Variants in KLHL1 observed in about 807,000 individuals in gnomAD.
KLHL1 encodes kelch like family member 1.
Under a neutral mutation model 77.7 loss-of-function variants are expected in KLHL1, and 47 were observed. That is an observed-to-expected ratio of 0.60 (90% confidence interval 0.48 to 0.77). The LOEUF (loss-of-function observed/expected upper bound fraction) is 0.77, where lower values mean the gene tolerates loss of function less well. KLHL1 is among the 30% of genes least tolerant of loss of function. KLHL1 has a pLI of 0.00. For synonymous variants in KLHL1, 360 were observed against 325.2 expected (o/e 1.11, Z -1.15); for missense variants, 925 against 910.8 (o/e 1.02, Z -0.20).
chr13:69,850,190 G>A (rs1334033567), intron 5 of KLHL1, among the ~76,000 whole-genome samples: 1 of 151,338 alleles, frequency 6.6e-6, no homozygotes, highest in Non-Finnish European at 1.5e-5. Flanking sequence ...ATTTAAATCT[G>A]AACTTATTTT....
intron 4 of KLHL1, among the ~76,000 whole-genome samples, chr13:69,915,030 G>T (rs1372408448): frequency 3.9e-5 from 6 of 151,990 alleles, no homozygotes; most frequent in Admixed American, 3.9e-4. Context: ...CAAGAAGCAG[G>T]GACTTATGGT....
intron 6 of KLHL1, among the ~76,000 whole-genome samples, chr13:69,824,782 G>A (rs1878479225): frequency 6.6e-6 from 1 of 152,088 alleles, no homozygotes; most frequent in South Asian, 2.1e-4. Context: ...GAATATGAGT[G>A]TGCTTTCTGG....
At chr13:69,815,362 A>G (rs992345308) in intron 6 of KLHL1, among the ~76,000 whole-genome samples, 2 of 152,238 alleles carry the variant, frequency 1.3e-5, no homozygotes, top group African/African-American at 4.8e-5. Context: ...ACCATGGACT[A>G]CTATGCAGCC....
chr13:69,911,106 T>C (rs767205193), intron 4 of KLHL1, among the ~76,000 whole-genome samples: 23 of 152,134 alleles, frequency 1.5e-4, no homozygotes, highest in Non-Finnish European at 2.8e-4. Flanking sequence ...GTAATCAGTC[T>C]GTCTTTCTCT....
chr13:69,975,804 T>A lies in KLHL1; in HGVS notation c.498-2A>T. On this transcript the variant is annotated splice_acceptor_variant, in intron 1 of 10. Transcript: ENST00000377844. LOFTEE classifies it high-confidence loss of function. ...ATTGAATGGCCGGTTGATGACAGCC[T>A]ATAAACCACACACACACACACACAC... 6.2e-7 allele frequency: 1 copy of A among 1,602,614 alleles called. No homozygotes were observed. The highest frequency in any genetic ancestry group is 8.5e-7 in the Non-Finnish European group (1 of 1,175,554).
intron 5 of KLHL1, among the ~76,000 whole-genome samples, chr13:69,845,568 G>A (rs963169146): frequency 6.6e-6 from 1 of 151,530 alleles, no homozygotes; most frequent in South Asian, 2.1e-4. Context: ...AGTTGAAATT[G>A]CAAGTATCTA....
In KLHL1 at chr13:69,955,360, A is replaced by G. The variant is rs1225506373; in HGVS notation, c.817+5948T>C. 2.0e-5 allele frequency among the ~76,000 whole-genome samples: 3 copies of G among 151,354 alleles called. No homozygotes were observed. The East Asian group carries it at 5.8e-4, about 29-fold the overall frequency. Reference sequence around the variant, plus strand: ...CTTAGCAGGTACAAAGACTTTAATTAACTTCAGTGGCACACAAACTTTTTC... The same window carrying G: ...CTTAGCAGGTACAAAGACTTTAATTGACTTCAGTGGCACACAAACTTTTTC... On this transcript the variant is annotated intron_variant, in intron 3 of 10. Transcript: ENST00000377844.
intron 4 of KLHL1, among the ~76,000 whole-genome samples, chr13:69,931,152 A>G (rs1882993407): frequency 6.6e-6 from 1 of 151,692 alleles, no homozygotes. Context: ...ATCTATATAT[A>G]TTTGGAAACC....
At chr13:69,727,406 T>G (rs1458467723) in intron 8 of KLHL1, among the ~76,000 whole-genome samples, 3 of 151,958 alleles carry the variant, frequency 2.0e-5, no homozygotes. Context: ...TAGTGGACAG[T>G]CACAAGTTAA....
At chr13:70,052,093 A>G (rs1008093721) in intron 1 of KLHL1, among the ~76,000 whole-genome samples, 1 of 151,958 alleles carries the variant, frequency 6.6e-6, no homozygotes, top group Non-Finnish European at 1.5e-5. Context: ...GCAATAGGCC[A>G]TTGAAGTTCA....
intron 1 of KLHL1, among the ~76,000 whole-genome samples, chr13:69,986,372 T>C (rs573135036): frequency 1.3e-5 from 2 of 152,164 alleles, no homozygotes; most frequent in South Asian, 4.1e-4. Flanking sequence ...CTTGAAGTGA[T>C]GGATATGTTA....
intron 5 of KLHL1, among the ~76,000 whole-genome samples, chr13:69,858,289 G>A (rs1880002047): frequency 6.6e-6 from 1 of 152,086 alleles, no homozygotes; most frequent in Non-Finnish European, 1.5e-5. Flanking sequence ...GGTTGGGTGA[G>A]ACTCCTTGAG....
intron 5 of KLHL1, among the ~76,000 whole-genome samples, chr13:69,858,042 A>T (rs1468201489): frequency 6.6e-6 from 1 of 152,116 alleles, no homozygotes; most frequent in Non-Finnish European, 1.5e-5. Flanking sequence ...TAGATACATC[A>T]GCAGAAGCAG....
At chr13:69,905,785 T>C (rs1694779802) in intron 4 of KLHL1, among the ~76,000 whole-genome samples, 1 of 152,098 alleles carries the variant, frequency 6.6e-6, no homozygotes, top group African/African-American at 2.4e-5. Context: ...AGTGGGCATA[T>C]TAAAATTCAG....
chr13:69,803,529 A>G (rs1474334560), intron 6 of KLHL1, among the ~76,000 whole-genome samples: 1 of 152,214 alleles, frequency 6.6e-6, no homozygotes, highest in African/African-American at 2.4e-5. Flanking sequence ...GAACCTGTGC[A>G]TATGTTGAAA....
At chr13:69,955,834 T>A (rs1465930779) in intron 3 of KLHL1, among the ~76,000 whole-genome samples, 1 of 146,770 alleles carries the variant, frequency 6.8e-6, no homozygotes, top group East Asian at 2.0e-4. Flanking sequence ...TATCAAAAAT[T>A]GTTTTGCTCC....
At chr13:69,729,185 T>C (rs1426794601) in intron 8 of KLHL1, among the ~76,000 whole-genome samples, 1 of 152,172 alleles carries the variant, frequency 6.6e-6, no homozygotes, top group Admixed American at 6.6e-5. Flanking sequence ...TTTTTGTGTG[T>C]GTTTTCTTTA....
chr13:69,975,847 G>C, intron 1 of KLHL1, 45 bp from the exon 2 acceptor site: 7 of 1,473,538 alleles, frequency 4.8e-6, no homozygotes, highest in Non-Finnish European at 6.3e-6. Flanking sequence ...ATAATAAAGG[G>C]ATTTATAAAG....
At chr13:69,822,840 T>C (rs945450533) in intron 6 of KLHL1, among the ~76,000 whole-genome samples, 4 of 152,318 alleles carry the variant, frequency 2.6e-5, no homozygotes, top group Non-Finnish European at 5.9e-5. Flanking sequence ...TTGATATTGA[T>C]ATTAAAATTT....
Sources: gnomAD v4.1 joint callset for allele counts (sites outside exome capture counted in the v4.1 genomes callset) on GRCh38, gnomAD v4.1.1 for gene constraint, MANE v1.5 for transcripts, NCBI Gene and HGNC (gene_info 2026-07-23, HGNC 2026-07-21) for gene names.